Variants in CSMD1 observed in about 807,000 individuals in gnomAD.
CSMD1 encodes CUB and Sushi multiple domains 1, also known as CUB and sushi domain-containing protein 1.
Under a neutral mutation model 417.5 loss-of-function variants are expected in CSMD1, and 213 were observed. That is an observed-to-expected ratio of 0.51 (90% CI 0.46 to 0.57). CSMD1 has a LOEUF of 0.57. CSMD1 is among the 20% of genes least tolerant of loss of function. The pLI, the probability that CSMD1 is intolerant of heterozygous loss-of-function variation, is 0.00. For synonymous variants in CSMD1, 2,862 were observed against 1,736.8 expected, an observed-to-expected ratio of 1.65 and a Z score of -16.11; for missense variants, 6,923 against 4,529.7, an observed-to-expected ratio of 1.53 and a Z score of -15.17.
chr8:3,850,148 TC>T (rs1803799322), intron 5 of CSMD1, among the ~76,000 whole-genome samples: 1 of 152,214 alleles, frequency 6.6e-6, no homozygotes, highest in Admixed American at 6.5e-5. Context: ...TTAGGGCATA[TC>T]CCTTATGAAT....
chr8:4,959,546 T>TCTGGTCA (rs1430888719), intron 1 of CSMD1, among the ~76,000 whole-genome samples: 13 of 152,246 alleles, frequency 8.5e-5, no homozygotes, highest in Non-Finnish European at 2.9e-5. Context: ...TGGTGACCAC[T>TCTGGTCA]CTGGTCACGG....
At chr8:3,361,672 A>AAG (rs1554525400) in intron 20 of CSMD1, among the ~76,000 whole-genome samples, 2 of 143,988 alleles carry the variant, frequency 1.4e-5, no homozygotes, top group Non-Finnish European at 3.1e-5. Flanking sequence ...AAAAAAAAAA[A>AAG]CAAACAAAAA....
intron 33 of CSMD1, among the ~76,000 whole-genome samples, chr8:3,193,842 G>C (rs1434493150): frequency 6.6e-6 from 1 of 152,134 alleles, no homozygotes; most frequent in Non-Finnish European, 1.5e-5. Context: ...GTTGTGACAG[G>C]TTCGATGATC....
In CSMD1 at chr8:4,268,681, G is replaced by T. The variant is rs188510005; in HGVS notation, c.415+151272C>A. ...TTCCAAGTACATACAAAATAAGGAA[G>T]ATATATGTGTATCTCAATTTTTTTT... On this transcript the variant is annotated intron_variant, in intron 3 of 69. Coordinates refer to ENST00000635120, the MANE Select transcript of CSMD1 (RefSeq NM_033225.6). Among the ~76,000 whole-genome samples, 9 of 151,792 alleles carry T rather than the reference G, an allele frequency of 5.9e-5. No homozygotes were observed. The East Asian group carries it at 1.7e-3, about 29-fold the overall frequency.
intron 12 of CSMD1, among the ~76,000 whole-genome samples, chr8:3,455,617 C>A (rs1243970369): frequency 6.6e-6 from 1 of 152,208 alleles, no homozygotes; most frequent in African/African-American, 2.4e-5. Context: ...GCAGAGGCTG[C>A]AGAACAGTGG....
chr8:4,758,676 G>C (rs1010706321), intron 1 of CSMD1, among the ~76,000 whole-genome samples: 3 of 152,196 alleles, frequency 2.0e-5, no homozygotes, highest in East Asian at 3.9e-4. Context: ...AAAAGGAATA[G>C]TGGACACATC....
chr8:4,227,230 G>A (rs563636817), intron 3 of CSMD1, among the ~76,000 whole-genome samples: 1 of 152,142 alleles, frequency 6.6e-6, no homozygotes, highest in Non-Finnish European at 1.5e-5. Flanking sequence ...GACCCGATGA[G>A]AATCATTAAC....
intron 11 of CSMD1, among the ~76,000 whole-genome samples, chr8:3,488,259 C>T (rs1187101163): frequency 6.6e-6 from 1 of 152,012 alleles, no homozygotes; most frequent in Non-Finnish European, 1.5e-5. Flanking sequence ...TGCACCACCA[C>T]ACCCGGCTAA....
intron 4 of CSMD1, 115 bp from the exon 5 acceptor site, chr8:3,998,225 G>T (rs942607465): frequency 4.9e-6 from 4 of 815,932 alleles, no homozygotes; most frequent in Non-Finnish European, 7.6e-6. Flanking sequence ...ACCCAAAATT[G>T]AGACACTCAA....
At chr8:3,711,128 C>T (rs1372134189) in intron 6 of CSMD1, among the ~76,000 whole-genome samples, 5 of 152,134 alleles carry the variant, frequency 3.3e-5, no homozygotes, top group South Asian at 2.1e-4. Context: ...CAGCACTTCT[C>T]CTGGGTATTT....
intron 5 of CSMD1, among the ~76,000 whole-genome samples, chr8:3,926,086 C>CACACACACACACACACACACACCAT (rs1563218150): frequency 6.2e-5 from 1 of 16,150 alleles, no homozygotes; most frequent in Admixed American, 6.0e-4. Flanking sequence ...ACACCATACA[C>CACACACACACACACACACACACCAT]ACACACACAC....
At chr8:3,758,988 G>C (rs960841517) in intron 5 of CSMD1, among the ~76,000 whole-genome samples, 1 of 152,218 alleles carries the variant, frequency 6.6e-6, no homozygotes, top group Non-Finnish European at 1.5e-5. Flanking sequence ...TGACAAGAAA[G>C]CTGCTGATAC....
intron 5 of CSMD1, among the ~76,000 whole-genome samples, chr8:3,952,851 T>G (rs906439124): frequency 6.6e-6 from 1 of 152,118 alleles, no homozygotes; most frequent in Non-Finnish European, 1.5e-5. Flanking sequence ...TTGAATGCAG[T>G]GAAAATAAGA....
intron 5 of CSMD1, among the ~76,000 whole-genome samples, chr8:3,862,022 C>G (rs1196070108): frequency 2.0e-5 from 3 of 152,160 alleles, no homozygotes; most frequent in African/African-American, 7.2e-5. Flanking sequence ...CACAATCATT[C>G]CATGCCCCAA....
intron 3 of CSMD1, among the ~76,000 whole-genome samples, chr8:4,399,172 A>G (rs1274644933): frequency 6.6e-6 from 1 of 152,194 alleles, no homozygotes; most frequent in Non-Finnish European, 1.5e-5. Flanking sequence ...ATACAGATTA[A>G]TAAATAAAGA....
chr8:4,140,566 G>C (rs527788535), intron 3 of CSMD1, among the ~76,000 whole-genome samples: 1 of 150,966 alleles, frequency 6.6e-6, no homozygotes, highest in Non-Finnish European at 1.5e-5. Context: ...TACTAGGGAG[G>C]CTAAGGTGGG....
At chr8:3,860,992 G>A (rs989973736) in intron 5 of CSMD1, among the ~76,000 whole-genome samples, 15 of 152,188 alleles carry the variant, frequency 9.9e-5, no homozygotes, top group African/African-American at 3.6e-4. Context: ...GACAAAGCAT[G>A]GAAAGTATGA....
At chr8:4,071,947 G>C (rs1158573835) in intron 3 of CSMD1, among the ~76,000 whole-genome samples, 5 of 152,172 alleles carry the variant, frequency 3.3e-5, no homozygotes, top group Middle Eastern at 3.2e-3. Context: ...TGCAGCCACA[G>C]TGTGGGGCTC....
intron 3 of CSMD1, among the ~76,000 whole-genome samples, chr8:4,058,337 C>T (rs1273972146): frequency 2.0e-5 from 3 of 152,022 alleles, no homozygotes; most frequent in African/African-American, 4.8e-5. Context: ...TCTCTGTTTG[C>T]CTGTTATTGG....
Sources: allele counts gnomAD v4.1 joint callset (sites outside exome capture counted in the v4.1 genomes callset), GRCh38; gene constraint gnomAD v4.1.1; transcripts MANE v1.5; gene names NCBI Gene and HGNC (gene_info 2026-07-23, HGNC 2026-07-21).